Variants in PIK3C3 observed in about 807,000 individuals in gnomAD.
PIK3C3 encodes the protein PI3-kinase type 3.
A neutral mutation model predicts 126.1 loss-of-function variants in PIK3C3; 95 were observed. The observed-to-expected ratio is 0.75, with a 90% CI of 0.64 to 0.89. The LOEUF is 0.89. Ranked by LOEUF, PIK3C3 falls within the 40% of genes least tolerant of loss-of-function variation. The pLI is 0.00. For synonymous variants in PIK3C3, 374 were observed against 360.0 expected, an observed-to-expected ratio of 1.04 and a Z score of -0.44; for missense variants, 829 against 1,063.2, an observed-to-expected ratio of 0.78 and a Z score of 3.06.
At chr18:42,047,598 CT>C (rs1277976558) in intron 20 of PIK3C3, among the ~76,000 whole-genome samples, 1 of 152,160 alleles carries the variant, frequency 6.6e-6, no homozygotes, top group African/African-American at 2.4e-5. Context: ...AATCTTGGGC[CT>C]TACCCGACTT....
rs144058243 is a variant in PIK3C3 at position 42,081,397 on chromosome 18, A to G, written c.*260A>G. On this transcript the variant is annotated 3_prime_UTR_variant, in exon 25 of 25. Coordinates refer to ENST00000262039, the MANE Select transcript of PIK3C3 (RefSeq NM_002647.4). ...CATTGTTAATAAATTAAGAAATGAG[A>G]AACATTCTTATTTATGTACATGTTA... is the stretch of plus-strand genomic sequence containing the variant. 4.4e-3 allele frequency: 1,615 copies of G among 368,250 alleles called. 22 individuals are homozygous for G. Among genetic ancestry groups the G allele is most frequent in the African/African-American group, 0.031 (1,508 of 48,010 alleles). The allele number at this position is 368,250 out of a possible 1,614,324, so 22.8% of individuals were successfully genotyped here.
intron 9 of PIK3C3, among the ~76,000 whole-genome samples, chr18:42,003,303 A>T (rs1211559234): frequency 6.6e-6 from 1 of 152,204 alleles, no homozygotes; most frequent in African/African-American, 2.4e-5. Context: ...AACATTTTCA[A>T]GTTACCTATT....
At chr18:42,025,545 G>T (rs1983528074) in intron 13 of PIK3C3, 1 of 152,156 alleles carries the variant, frequency 6.6e-6, no homozygotes, top group South Asian at 2.1e-4. Context: ...AGAAAATTTG[G>T]AGTTTGTGAA....
At chr18:42,061,898 C>T (rs149973890) in intron 22 of PIK3C3, among the ~76,000 whole-genome samples, 3 of 152,084 alleles carry the variant, frequency 2.0e-5, no homozygotes, top group East Asian at 3.9e-4. Flanking sequence ...ATTCTACACC[C>T]GTAAAGGCAG....
At chr18:41,986,164 A>C (rs1354528551) in intron 4 of PIK3C3, among the ~76,000 whole-genome samples, 1 of 152,154 alleles carries the variant, frequency 6.6e-6, no homozygotes, top group African/African-American at 2.4e-5. Flanking sequence ...ACTTCATAGT[A>C]GTAGTTGATA....
intron 10 of PIK3C3, among the ~76,000 whole-genome samples, chr18:42,013,078 C>A (rs1229464142): frequency 3.4e-5 from 5 of 147,924 alleles, no homozygotes; most frequent in African/African-American, 1.2e-4. Context: ...TCTATAATTT[C>A]TTAGTTTTAT....
intron 4 of PIK3C3, among the ~76,000 whole-genome samples, chr18:41,974,748 T>C (rs1026570652): frequency 6.6e-6 from 1 of 152,184 alleles, no homozygotes; most frequent in Non-Finnish European, 1.5e-5. Flanking sequence ...TTACCCATTG[T>C]TCCCATCTGC....
At chr18:41,974,572 C>T (rs1282588723) in intron 4 of PIK3C3, among the ~76,000 whole-genome samples, 1 of 143,762 alleles carries the variant, frequency 7.0e-6, no homozygotes, top group Non-Finnish European at 1.5e-5. Context: ...GCCCCATTTT[C>T]TTCTTTTTCC....
intron 9 of PIK3C3, among the ~76,000 whole-genome samples, chr18:41,999,928 G>C (rs1346135580): frequency 6.6e-6 from 1 of 152,088 alleles, no homozygotes; most frequent in Non-Finnish European, 1.5e-5. Context: ...TGCATGAATG[G>C]TTATGAAATA....
Position 42,004,538 on chromosome 18 carries a change from T to G in PIK3C3, c.1167T>G (p.Asp389Glu), listed in dbSNP as rs1158868819. 6.3e-7 allele frequency: 1 copy of G among 1,586,120 alleles called. No individual in the cohort carries two copies. Among genetic ancestry groups the G allele is most frequent in the Non-Finnish European group, 8.5e-7 (1 of 1,172,078 alleles). Reference sequence around the variant, plus strand: ...TTGCCCGGTTGCGACAGGCCGATGATGAGGTGCATTATTATTTATTATTCT... The same window carrying G: ...TTGCCCGGTTGCGACAGGCCGATGAGGAGGTGCATTATTATTTATTATTCT... Reference protein sequence around the residue: ...YAVARLRQADDEDLLMYLLQL... With the variant: ...YAVARLRQADEEDLLMYLLQL... Residue 389 changes from aspartate to glutamate, a missense_variant, in exon 10 of 25, where the codon GAT becomes GAG. Physicochemically the swap from Asp to Glu is conservative, Grantham distance 45. Coordinates refer to ENST00000262039, the MANE Select transcript of PIK3C3 (RefSeq NM_002647.4).
chr18:42,042,349 A>T (rs143651173), intron 19 of PIK3C3, among the ~76,000 whole-genome samples: 2 of 152,230 alleles, frequency 1.3e-5, no homozygotes, highest in African/African-American at 4.8e-5. Flanking sequence ...TTCCATGTTG[A>T]TTCTACTGTG....
At chr18:41,964,183 A>G (rs1275459297) in intron 3 of PIK3C3, among the ~76,000 whole-genome samples, 2 of 152,150 alleles carry the variant, frequency 1.3e-5, no homozygotes, top group Non-Finnish European at 2.9e-5. Flanking sequence ...AAACCAAAAC[A>G]AATGGTTTGA....
chr18:42,065,501 G>C (rs1985498427), intron 23 of PIK3C3, among the ~76,000 whole-genome samples: 1 of 152,182 alleles, frequency 6.6e-6, no homozygotes, highest in African/African-American at 2.4e-5. Flanking sequence ...ATTGAGTTAT[G>C]GCATTAGAAG....
intron 14 of PIK3C3, 96 bp downstream of exon 14, chr18:42,027,644 TATATA>T: frequency 1.9e-6 from 1 of 524,298 alleles, no homozygotes; most frequent in Middle Eastern, 2.9e-4. Context: ...AAAATGGTTT[TATATA>T]TTTATTTTTA....
intron 4 of PIK3C3, among the ~76,000 whole-genome samples, chr18:41,982,842 T>C (rs1468968638): frequency 2.0e-5 from 3 of 152,198 alleles, no homozygotes; most frequent in Non-Finnish European, 1.5e-5. Flanking sequence ...TGAATCTTGC[T>C]TTTACATTTA....
intron 20 of PIK3C3, among the ~76,000 whole-genome samples, chr18:42,048,894 G>A (rs896915863): frequency 6.6e-6 from 1 of 151,986 alleles, no homozygotes; most frequent in African/African-American, 2.4e-5. Flanking sequence ...ACTCCAAAAG[G>A]GTGCTATTTG....
At chr18:42,017,673 A>G (rs1983135538) in intron 12 of PIK3C3, among the ~76,000 whole-genome samples, 1 of 151,580 alleles carries the variant, frequency 6.6e-6, no homozygotes, top group African/African-American at 2.4e-5. Flanking sequence ...CCCTCTTGAT[A>G]TCTAATAATG....
chr18:42,008,028 C>T (rs965290565), intron 10 of PIK3C3, among the ~76,000 whole-genome samples: 4 of 152,190 alleles, frequency 2.6e-5, no homozygotes, highest in Non-Finnish European at 4.4e-5. Flanking sequence ...TTATCAAACA[C>T]GCTTTTGACA....
chr18:41,958,380 G>A (rs562158011), intron 2 of PIK3C3, among the ~76,000 whole-genome samples: 4 of 152,198 alleles, frequency 2.6e-5, no homozygotes, highest in African/African-American at 7.2e-5. Context: ...TTTGATCAGC[G>A]AGTGTTATTC....
Sources: gnomAD v4.1 joint callset for allele counts (sites outside exome capture counted in the v4.1 genomes callset) on GRCh38, gnomAD v4.1.1 for gene constraint, MANE v1.5 for transcripts, NCBI Gene and HGNC (gene_info 2026-07-23, HGNC 2026-07-21) for gene names.